Variants in NEGR1 observed in about 807,000 individuals in gnomAD.
NEGR1 encodes neuronal growth regulator 1.
Under a neutral mutation model 40.9 loss-of-function variants are expected in NEGR1, and 10 were observed. The ratio of observed to expected loss-of-function variants is 0.24; its 90% CI spans 0.15 to 0.42. NEGR1 has a LOEUF of 0.42. Among genes scored for constraint, NEGR1 ranks in the 10% least tolerant of loss-of-function variants. NEGR1 has a pLI of 1.00. For synonymous variants in NEGR1, 185 were observed against 166.8 expected (o/e 1.11, Z -0.84); for missense variants, 352 against 438.9 (o/e 0.80, Z 1.77).
At chr1:71,880,532 A>C (rs1660554990) in intron 2 of NEGR1, among the ~76,000 whole-genome samples, 1 of 151,968 alleles carries the variant, frequency 6.6e-6, no homozygotes, top group South Asian at 2.1e-4. Context: ...TTCTGGATGA[A>C]TTTTCTTTTT....
chr1:71,843,681 A>G (rs549960346), intron 2 of NEGR1, among the ~76,000 whole-genome samples: 1 of 152,314 alleles, frequency 6.6e-6, no homozygotes, highest in Non-Finnish European at 1.5e-5. Flanking sequence ...AGAAGAAAAT[A>G]GTCTCATCAG....
At chr1:71,866,414 G>T (rs1229867576) in intron 2 of NEGR1, among the ~76,000 whole-genome samples, 2 of 152,056 alleles carry the variant, frequency 1.3e-5, no homozygotes, top group Non-Finnish European at 2.9e-5. Context: ...TAATAATGAA[G>T]ACCAGACACT....
At chr1:72,118,495 G>T (rs1016840883) in intron 1 of NEGR1, among the ~76,000 whole-genome samples, 11 of 151,768 alleles carry the variant, frequency 7.2e-5, no homozygotes, top group Non-Finnish European at 1.5e-4. Flanking sequence ...GTGTGTTGTG[G>T]CTCAAGTGGC....
chr1:71,820,456 G>C (rs76231269), intron 2 of NEGR1, among the ~76,000 whole-genome samples: 3,962 of 151,986 alleles, frequency 0.026, 173 homozygotes, highest in African/African-American at 0.089. Context: ...CATTTGATTG[G>C]GGAAATTAAA....
At chr1:71,774,316 GAATTTA>G (rs1281731322) in intron 3 of NEGR1, among the ~76,000 whole-genome samples, 1 of 152,194 alleles carries the variant, frequency 6.6e-6, no homozygotes, top group Non-Finnish European at 1.5e-5. Flanking sequence ...GTCCTGCCAT[GAATTTA>G]AGTGCTCACA....
At chr1:71,474,899 C>G (rs1443097723) in intron 6 of NEGR1, among the ~76,000 whole-genome samples, 1 of 151,878 alleles carries the variant, frequency 6.6e-6, no homozygotes, top group Non-Finnish European at 1.5e-5. Flanking sequence ...AATATGAAAT[C>G]TATAGCTTCC....
chr1:71,478,884 A>G (rs2101369171), intron 6 of NEGR1, among the ~76,000 whole-genome samples: 1 of 152,100 alleles, frequency 6.6e-6, no homozygotes, highest in Non-Finnish European at 1.5e-5. Flanking sequence ...TCTTTCAGTG[A>G]CACATAGAGT....
At chr1:71,567,629 C>T (rs1283789005) in intron 6 of NEGR1, among the ~76,000 whole-genome samples, 1 of 152,008 alleles carries the variant, frequency 6.6e-6, no homozygotes, top group African/African-American at 2.4e-5. Flanking sequence ...CTGTGTTATT[C>T]ATTCTAGATT....
rs557880829 is a variant in NEGR1, at chr1:72,268,710, T to C, written c.176+13609A>G. Among the ~76,000 whole-genome samples the C allele has an allele frequency of 2.6e-3, 391 of 151,648 alleles. 1 individual carries two copies. Among genetic ancestry groups the C allele is most frequent in the Non-Finnish European group, 4.7e-3 (317 of 67,620 alleles). On this transcript the variant is annotated intron_variant, in intron 1 of 6. Coordinates refer to ENST00000357731, the MANE Select transcript of NEGR1 (RefSeq NM_173808.3). ...CAAGGATTCTAGAATTTAGTAAACA[T>C]ATTCTATACAAATATACAGGATTAA...
intron 5 of NEGR1, among the ~76,000 whole-genome samples, chr1:71,597,129 T>C (rs1649737865): frequency 6.6e-6 from 1 of 152,100 alleles, no homozygotes; most frequent in Non-Finnish European, 1.5e-5. Flanking sequence ...GAACTAAAGA[T>C]ACAGCTCAAA....
At chr1:71,662,297 G>C (rs1027504306) in intron 4 of NEGR1, among the ~76,000 whole-genome samples, 36 of 152,116 alleles carry the variant, frequency 2.4e-4, no homozygotes, top group African/African-American at 8.2e-4. Flanking sequence ...GTAGGGTTTT[G>C]AACTATCCAC....
chr1:72,107,092 A>G (rs1176106346), intron 1 of NEGR1, among the ~76,000 whole-genome samples: 2 of 151,802 alleles, frequency 1.3e-5, no homozygotes, highest in Admixed American at 6.6e-5. Context: ...AGGGTGAGAA[A>G]TAATCACACG....
intron 2 of NEGR1, among the ~76,000 whole-genome samples, chr1:71,834,340 A>G (rs538604119): frequency 6.6e-6 from 1 of 152,200 alleles, no homozygotes; most frequent in East Asian, 1.9e-4. Context: ...TAGCATTTAG[A>G]TCAATGAACT....
intron 2 of NEGR1, among the ~76,000 whole-genome samples, chr1:71,933,424 T>C (rs1300578333): frequency 6.6e-6 from 1 of 152,060 alleles, no homozygotes; most frequent in Non-Finnish European, 1.5e-5. Context: ...GTTTAAAATG[T>C]ACAAGCCAAA....
intron 6 of NEGR1, among the ~76,000 whole-genome samples, chr1:71,471,327 T>C (rs1166005534): frequency 6.6e-6 from 1 of 152,148 alleles, no homozygotes; most frequent in Admixed American, 6.6e-5. Context: ...ATTATTATAT[T>C]GTGATTCTTA....
At chr1:72,085,563 T>C (rs1648187099) in intron 1 of NEGR1, among the ~76,000 whole-genome samples, 1 of 152,218 alleles carries the variant, frequency 6.6e-6, no homozygotes, top group South Asian at 2.1e-4. Flanking sequence ...GCATCTGCTG[T>C]CTTTCCATAT....
chr1:71,492,889 C>T (rs1182991918), intron 6 of NEGR1, among the ~76,000 whole-genome samples: 3 of 152,120 alleles, frequency 2.0e-5, no homozygotes, highest in Non-Finnish European at 4.4e-5. Flanking sequence ...TATTGGGCTT[C>T]TCCTTTTATT....
chr1:71,984,112 C>T (rs1290848333), intron 1 of NEGR1, among the ~76,000 whole-genome samples: 1 of 146,082 alleles, frequency 6.8e-6, no homozygotes, highest in Admixed American at 6.8e-5. Context: ...TATCTCTATG[C>T]TATCCTTTGA....
At chr1:71,668,573 G>A (rs1369626702) in intron 4 of NEGR1, among the ~76,000 whole-genome samples, 1 of 152,106 alleles carries the variant, frequency 6.6e-6, no homozygotes. Context: ...AGTTCCACAG[G>A]TCTCAGTAGT....
Sources: gnomAD v4.1 joint callset for allele counts (sites outside exome capture counted in the v4.1 genomes callset) on GRCh38, gnomAD v4.1.1 for gene constraint, MANE v1.5 for transcripts, NCBI Gene and HGNC (gene_info 2026-07-23, HGNC 2026-07-21) for gene names.